Variants in MYO9A observed in about 807,000 individuals in gnomAD.
MYO9A encodes unconventional myosin-IXa.
A neutral mutation model predicts 293.3 loss-of-function variants in MYO9A; 103 were observed. That is an observed-to-expected ratio of 0.35 (90% CI 0.30 to 0.41). The LOEUF (loss-of-function observed/expected upper bound fraction) is 0.41, where lower values mean the gene tolerates loss of function less well. MYO9A is among the 10% of genes least tolerant of loss of function. The pLI, the probability that MYO9A is intolerant of heterozygous loss-of-function variation, is 1.00. For missense variants in MYO9A, 2,685 were observed against 3,033.0 expected (o/e 0.89, Z 2.69); for synonymous variants, 1,001 against 1,035.7 (o/e 0.97, Z 0.64).
At chr15:72,109,397 A>AG (rs1403547391) in intron 1 of MYO9A, among the ~76,000 whole-genome samples, 2 of 151,720 alleles carry the variant, frequency 1.3e-5, no homozygotes, top group African/African-American at 4.8e-5. Flanking sequence ...CTAAAAAAAA[A>AG]AAAAAAATAC....
At chr15:71,958,989 ATT>A (rs1219237123) in intron 14 of MYO9A, 2 of 152,342 alleles carry the variant, frequency 1.3e-5, no homozygotes, top group African/African-American at 4.8e-5. Flanking sequence ...ATGCTAATCA[ATT>A]TTGAGTGGTT....
chr15:72,036,924 G>T (rs1432755588), intron 2 of MYO9A, among the ~76,000 whole-genome samples: 2 of 151,896 alleles, frequency 1.3e-5, no homozygotes, highest in Admixed American at 6.6e-5. Flanking sequence ...GGGGAAGGGG[G>T]ATCTCCCTAT....
intron 19 of MYO9A, among the ~76,000 whole-genome samples, chr15:71,910,102 G>GTA (rs771648187): frequency 5.0e-4 from 67 of 133,930 alleles, no homozygotes; most frequent in Non-Finnish European, 7.5e-4. Context: ...ATATATATAC[G>GTA]TATATATATA....
At chr15:71,942,845 T>C (rs1371623056) in intron 15 of MYO9A, among the ~76,000 whole-genome samples, 1 of 152,058 alleles carries the variant, frequency 6.6e-6, no homozygotes, top group Non-Finnish European at 1.5e-5. Context: ...TAGCTTTATA[T>C]ATACATTTAC....
chr15:71,896,561 C>T (rs2057334006), intron 25 of MYO9A, among the ~76,000 whole-genome samples: 1 of 152,038 alleles, frequency 6.6e-6, no homozygotes, highest in African/African-American at 2.4e-5. Context: ...AGGTGGATCA[C>T]CTGAGGTCAG....
At chr15:72,050,271 G>A (rs973460848) in intron 1 of MYO9A, among the ~76,000 whole-genome samples, 6 of 151,850 alleles carry the variant, frequency 4.0e-5, no homozygotes, top group African/African-American at 9.7e-5. Flanking sequence ...TTGCAAATCC[G>A]AGACATGAGC....
intron 34 of MYO9A, among the ~76,000 whole-genome samples, chr15:71,856,642 G>T (rs192769729): frequency 1.4e-3 from 207 of 152,304 alleles, no homozygotes; most frequent in Admixed American, 4.0e-3. Flanking sequence ...AGTATTATCA[G>T]TATTATTTTG....
At chr15:71,990,951 G>A (rs952158797) in intron 11 of MYO9A, 152 bp downstream of exon 11, 3 of 724,878 alleles carry the variant, frequency 4.1e-6, no homozygotes, top group Admixed American at 4.1e-5. Context: ...AATTTACTTC[G>A]GTTATTCTTG....
At position 72,017,010 on chromosome 15, in the gene MYO9A, CTTTTTTTT is replaced by C. The variant is rs61153023; in HGVS notation, c.1155+2021_1155+2028del. On this transcript the variant is annotated intron_variant, in intron 6 of 41. Transcript: ENST00000356056. ...GGTCATTCTGCTTCAGAGCCCAAAT[CTTTTTTTT>C]TTTTTTTTTTTTTTTTTTTTGAAAT... Among the ~76,000 whole-genome samples the C allele has an allele frequency of 7.1e-3, 416 of 58,320 alleles. 2 individuals are homozygous for C. Among genetic ancestry groups the C allele is most frequent in the African/African-American group, 0.024 (381 of 16,152 alleles). The allele number at this position is 58,320 out of a possible 152,430, so 38.3% of individuals were successfully genotyped here.
intron 2 of MYO9A, among the ~76,000 whole-genome samples, chr15:72,043,625 G>A (rs2078292531): frequency 6.6e-6 from 1 of 152,114 alleles, no homozygotes; most frequent in Admixed American, 6.6e-5. Flanking sequence ...TATATAAAAT[G>A]GTAGAAAATG....
chr15:71,922,166 A>C (rs1269241392), intron 18 of MYO9A, among the ~76,000 whole-genome samples: 1 of 152,180 alleles, frequency 6.6e-6, no homozygotes, highest in Non-Finnish European at 1.5e-5. Flanking sequence ...TTTAGTAGAC[A>C]CAGGGTTTCA....
chr15:72,051,991 A>G (rs1265672269), intron 1 of MYO9A, among the ~76,000 whole-genome samples: 2 of 152,098 alleles, frequency 1.3e-5, no homozygotes, highest in African/African-American at 2.4e-5. Flanking sequence ...CTCCAGGCTC[A>G]CCCATGGTTG....
chr15:72,053,998 A>G (rs1392011800), intron 1 of MYO9A, among the ~76,000 whole-genome samples: 1 of 152,236 alleles, frequency 6.6e-6, no homozygotes, highest in African/African-American at 2.4e-5. Flanking sequence ...CAGTTAAAAG[A>G]CAAAGATGGT....
At chr15:71,964,219 C>T (rs972143665) in intron 13 of MYO9A, among the ~76,000 whole-genome samples, 10 of 152,056 alleles carry the variant, frequency 6.6e-5, no homozygotes, top group African/African-American at 2.4e-4. Context: ...AAGGAACTAA[C>T]TTTTGGCTTA....
intron 6 of MYO9A, among the ~76,000 whole-genome samples, chr15:72,011,399 G>A (rs755492727): frequency 1.7e-4 from 25 of 151,314 alleles, no homozygotes; most frequent in Non-Finnish European, 3.5e-4. Flanking sequence ...CAGACAACAT[G>A]GTAATCAAAC....
chr15:71,916,034 G>GA (rs932805042), intron 19 of MYO9A, among the ~76,000 whole-genome samples: 4 of 151,984 alleles, frequency 2.6e-5, no homozygotes, highest in Non-Finnish European at 5.9e-5. Flanking sequence ...TTTAAGCAGG[G>GA]AAAAAAACAT....
chr15:71,883,039 T>C (rs919833326), intron 28 of MYO9A, among the ~76,000 whole-genome samples: 1 of 152,004 alleles, frequency 6.6e-6, no homozygotes. Context: ...CCTGGACTCA[T>C]GTGATCTGCC....
chr15:71,929,480 G>A (rs905564072), intron 18 of MYO9A, among the ~76,000 whole-genome samples: 5 of 152,164 alleles, frequency 3.3e-5, no homozygotes, highest in East Asian at 3.9e-4. Context: ...TACCTAATTC[G>A]TTGAGCTTTT....
At chr15:72,069,659 T>C (rs1448593609) in intron 1 of MYO9A, among the ~76,000 whole-genome samples, 2 of 152,194 alleles carry the variant, frequency 1.3e-5, no homozygotes, top group Non-Finnish European at 2.9e-5. Context: ...TAGAAACATG[T>C]ATTACTTAAA....
Sources: allele counts gnomAD v4.1 joint callset (sites outside exome capture counted in the v4.1 genomes callset), GRCh38; gene constraint gnomAD v4.1.1; transcripts MANE v1.5; gene names NCBI Gene and HGNC (gene_info 2026-07-23, HGNC 2026-07-21).